MRPS27: variants seen among roughly 807,000 people sequenced by gnomAD.
MRPS27 encodes mitochondrial ribosomal protein S27, also known as small ribosomal subunit protein mS27.
MRPS27 carries 43 observed loss-of-function variants against 48.9 expected under a neutral mutation model. The observed-to-expected ratio is 0.88, with a 90% CI of 0.69 to 1.13. The LOEUF (loss-of-function observed/expected upper bound fraction) is 1.13, where lower values mean the gene tolerates loss of function less well. Among genes scored for constraint, MRPS27 ranks in the 50% most tolerant of loss-of-function variants. The probability of loss-of-function intolerance (pLI) is 0.00; values close to 1 mark genes in which losing one functional copy is unlikely to be tolerated. For missense variants in MRPS27, 467 were observed against 476.3 expected, an observed-to-expected ratio of 0.98 and a Z score of 0.18; for synonymous variants, 188 against 171.9, an observed-to-expected ratio of 1.09 and a Z score of -0.73.
rs41271119 is a variant in MRPS27 at position 72,314,132 on chromosome 5, A to G, written c.100T>C (p.Tyr34His). The G allele has an allele frequency of 0.018, 28,547 of 1,612,830 alleles. 319 individuals are homozygous for G. Among genetic ancestry groups the G allele is most frequent in the Non-Finnish European group, 0.022 (25,356 of 1,179,166 alleles). ...AGKRYLLSSAYVDSHKWEARE... is the reference protein window; with the variant it reads ...AGKRYLLSSAHVDSHKWEARE... ...GCTTCCCATTTGTGGCTGTCTACAT[A>G]GGCTGAAGAAAGCAGGTATCTTTTA... The change falls in exon 2 of 11, where the codon TAT (tyrosine) becomes CAT (histidine). Residue 34 changes from tyrosine (Y) to histidine (H), a missense_variant. By Grantham distance (83) the Tyr-to-His change is moderately conservative. Coordinates refer to ENST00000261413, the MANE Select transcript of MRPS27 (RefSeq NM_015084.3).
intron 2 of MRPS27, among the ~76,000 whole-genome samples, chr5:72,313,509 T>C (rs962021946): frequency 2.0e-5 from 3 of 152,256 alleles, no homozygotes; most frequent in Non-Finnish European, 4.4e-5. Flanking sequence ...CAGTGATTTC[T>C]TTTGGGGCTT....
In MRPS27 at chr5:72,297,665, T is replaced by C. The variant is rs776043582; in HGVS notation, c.189A>G (p.Arg63=). 2.6e-5 allele frequency: 42 copies of C among 1,602,938 alleles called. No homozygotes were observed. Among genetic ancestry groups the C allele is most frequent in the Non-Finnish European group, 3.4e-5 (40 of 1,175,044 alleles). ...TTGTTAAAGAACTAACAGGCAACTTTCTCTCAAATGTTTTATCCATTAAAG... is the reference window on the plus strand; with the variant it reads ...TTGTTAAAGAACTAACAGGCAACTTCCTCTCAAATGTTTTATCCATTAAAG... ...LASLMDKTFE[R]KLPVSSLTIS... is the part of the protein sequence containing the mutation. The change falls in exon 3 of 11, where the codon AGA becomes AGG. Residue 63 remains arginine, a synonymous_variant. Coordinates refer to ENST00000261413, the MANE Select transcript of MRPS27 (RefSeq NM_015084.3).
intron 1 of MRPS27, among the ~76,000 whole-genome samples, chr5:72,316,661 C>T (rs1750572101): frequency 6.6e-6 from 1 of 151,810 alleles, no homozygotes; most frequent in African/African-American, 2.4e-5. Flanking sequence ...AGCCACCATG[C>T]CTGGCCTGAA....
chr5:72,255,658 A>T (rs1234117006), intron 4 of MRPS27, among the ~76,000 whole-genome samples: 1 of 152,244 alleles, frequency 6.6e-6, no homozygotes, highest in Non-Finnish European at 1.5e-5. Flanking sequence ...TCATTTACTT[A>T]TCGAAACAAC....
chr5:72,285,497 A>T (rs1377632159), intron 4 of MRPS27, among the ~76,000 whole-genome samples: 1 of 152,158 alleles, frequency 6.6e-6, no homozygotes, highest in Admixed American at 6.5e-5. Context: ...ATCTTCAACC[A>T]TCTAATAATC....
intron 4 of MRPS27, among the ~76,000 whole-genome samples, chr5:72,287,150 A>C (rs1216593509): frequency 3.3e-5 from 5 of 152,048 alleles, no homozygotes; most frequent in Non-Finnish European, 7.4e-5. Context: ...CCTTATGAGA[A>C]TCTAACTAAT....
chr5:72,228,325 C>T lies in MRPS27; in HGVS notation c.635G>A (p.Gly212Asp). 3.7e-6 allele frequency: 6 copies of T among 1,613,570 alleles called. No homozygotes were observed. The highest frequency in any genetic ancestry group is 2.2e-5 in the East Asian group (1 of 44,836). The change falls in exon 8 of 11, where the codon GGC (glycine) becomes GAC (aspartate). Residue 212 changes from glycine to aspartate, a missense_variant. Gly to Asp is a moderately conservative substitution (Grantham distance 94, BLOSUM62 -1). Coordinates refer to ENST00000261413, the MANE Select transcript of MRPS27 (RefSeq NM_015084.3). ...ACCCACTGAGTTCTTTTGTTTTAGG[C>T]CTGGAAGCAAAAGGGATGCACCAAA... The part of the protein sequence containing the change: ...RNFGASLLLP[G>D]LKQKNSVGFS...
chr5:72,221,085 T>C lies in MRPS27; in HGVS notation c.1069A>G (p.Thr357Ala), dbSNP rs141373207. The C allele has an allele frequency of 1.4e-5, 23 of 1,614,104 alleles. No homozygotes were observed. In the East Asian group the frequency reaches 4.0e-4, roughly 28 times the overall value. The change falls in exon 11 of 11, where the codon ACC becomes GCC. Residue 357 changes from threonine to alanine, a missense_variant. Thr to Ala is a moderately conservative substitution (Grantham distance 58). Coordinates refer to ENST00000261413, the MANE Select transcript of MRPS27 (RefSeq NM_015084.3). ...GAGAGTTTTTCCTTGACAAGCTGGGTGGTCAGACTTAAAAGACCTTCTGAC... is the reference window on the plus strand; with the variant it reads ...GAGAGTTTTTCCTTGACAAGCTGGGCGGTCAGACTTAAAAGACCTTCTGAC... ...IESEGLLSLT[T>A]QLVKEKLSTC...
intron 2 of MRPS27, among the ~76,000 whole-genome samples, chr5:72,298,661 G>A (rs1349322455): frequency 6.9e-6 from 1 of 145,448 alleles, no homozygotes; most frequent in African/African-American, 2.6e-5. Flanking sequence ...AGCCGAGATT[G>A]CGCCACTGCA....
At chr5:72,272,939 T>A (rs1749283737) in intron 4 of MRPS27, among the ~76,000 whole-genome samples, 1 of 151,978 alleles carries the variant, frequency 6.6e-6, no homozygotes, top group Non-Finnish European at 1.5e-5. Flanking sequence ...ATATACTATT[T>A]TGTCTAGTGT....
Position 72,268,531 on chromosome 5 carries a change from T to C in MRPS27, c.281+27000A>G, listed in dbSNP as rs565791809. Among the ~76,000 whole-genome samples the C allele has an allele frequency of 3.3e-5, 5 of 152,314 alleles. No homozygotes were observed. In the South Asian group the frequency reaches 8.3e-4, roughly 25 times the overall value. ...TAAATTTAACCTGCTTGGAGGTCTG[T>C]GGAGCTGACAAACAATGTTTTTATA... On this transcript the variant is annotated intron_variant, in intron 4 of 10. Transcript: ENST00000261413.
At position 72,241,431 on chromosome 5, in the gene MRPS27, G is replaced by GCC. The variant is rs1748346772; in HGVS notation, c.282-3305_282-3304dup. The GCC allele has an allele frequency of 5.7e-5, 30 of 530,884 alleles. No individual in the cohort carries two copies. In the South Asian group the frequency reaches 8.1e-4, roughly 14 times the overall value. The allele number at this position is 530,884 out of a possible 1,614,324, so 32.9% of individuals were successfully genotyped here. On this transcript the variant is annotated intron_variant, in intron 4 of 10. Transcript: ENST00000261413. Reference sequence around the variant, plus strand: ...AGGAAGCAAATGAACTCCTTTCTTGGCCCCCATCAGCATTAAAAAGATAAA... The same window carrying GCC: ...AGGAAGCAAATGAACTCCTTTCTTGGCCCCCCCATCAGCATTAAAAAGATAAA...
At chr5:72,247,093 T>A (rs1748527602) in intron 4 of MRPS27, among the ~76,000 whole-genome samples, 1 of 152,202 alleles carries the variant, frequency 6.6e-6, no homozygotes, top group South Asian at 2.1e-4. Flanking sequence ...GGTACGGTTA[T>A]CTGGATCACA....
intron 4 of MRPS27, among the ~76,000 whole-genome samples, chr5:72,269,865 T>TA (rs966652868): frequency 1.3e-4 from 20 of 150,744 alleles, no homozygotes; most frequent in South Asian, 1.0e-3. Context: ...ATAAAAGCCA[T>TA]AAAAAAAAAG....
chr5:72,278,859 TA>T (rs1238573696), intron 4 of MRPS27, among the ~76,000 whole-genome samples: 2 of 152,070 alleles, frequency 1.3e-5, no homozygotes, highest in East Asian at 1.9e-4. Flanking sequence ...TATTCCATTG[TA>T]AAAAAAAGTC....
chr5:72,223,611 G>T, intron 10 of MRPS27, 72 bp downstream of exon 10: 1 of 1,520,436 alleles, frequency 6.6e-7, no homozygotes, highest in Non-Finnish European at 9.0e-7. Context: ...CAGAAAGAAT[G>T]CTTATCCATC....
intron 2 of MRPS27, among the ~76,000 whole-genome samples, chr5:72,308,354 C>T (rs746593082): frequency 6.6e-6 from 1 of 152,372 alleles, no homozygotes; most frequent in South Asian, 2.1e-4. Context: ...CGCAGTGTCC[C>T]TTGCTGCCTC....
chr5:72,297,613 T>C lies in MRPS27; in HGVS notation c.222+19A>G. On this transcript the variant is annotated intron_variant, in intron 3 of 10. Coordinates refer to ENST00000261413, the MANE Select transcript of MRPS27 (RefSeq NM_015084.3). ...TTCTTCCTTGTTCTTGGAAAATATA[T>C]ATGTTAAAATTTTCTTACCCGTGAT... The C allele has an allele frequency of 1.3e-6, 2 of 1,485,090 alleles. No individual in the cohort carries two copies. Among genetic ancestry groups the C allele is most frequent in the South Asian group, 1.2e-5 (1 of 83,922 alleles). The allele number at this position is 1,485,090 out of a possible 1,614,324, so 92.0% of individuals were successfully genotyped here. A position where few individuals can be genotyped will look rare whatever the true frequency, so the allele number is the denominator to read the frequency against.
chr5:72,228,440 G>A (rs1298688071), intron 7 of MRPS27, 72 bp from the exon 8 acceptor site: 1 of 989,202 alleles, frequency 1.0e-6, no homozygotes, highest in Non-Finnish European at 1.5e-6. Context: ...GACTTTCAAT[G>A]ACATGAGGAA....
Sources: allele counts gnomAD v4.1 joint callset (sites outside exome capture counted in the v4.1 genomes callset), GRCh38; gene constraint gnomAD v4.1.1; transcripts MANE v1.5; gene names NCBI Gene and HGNC (gene_info 2026-07-23, HGNC 2026-07-21).